ALCAM: variants seen among roughly 807,000 people sequenced by gnomAD.
The protein encoded by ALCAM is activated leukocyte cell adhesion molecule, also known as CD166 antigen.
A neutral mutation model predicts 70.9 loss-of-function variants in ALCAM; 30 were observed. The ratio of observed to expected loss-of-function variants is 0.42; its 90% CI spans 0.32 to 0.57. The LOEUF (loss-of-function observed/expected upper bound fraction) is 0.57. ALCAM is among the 20% of genes least tolerant of loss of function. The pLI, the probability that ALCAM is intolerant of heterozygous loss-of-function variation, is 0.11. For missense variants in ALCAM, 591 were observed against 695.1 expected (o/e 0.85, Z 1.68); for synonymous variants, 249 against 242.5 (o/e 1.03, Z -0.25).
chr3:105,489,831 G>A (rs911848155), intron 1 of ALCAM, among the ~76,000 whole-genome samples: 2 of 151,792 alleles, frequency 1.3e-5, no homozygotes, highest in African/African-American at 4.8e-5. Flanking sequence ...CTGACATAGA[G>A]AAAAAAATAT....
chr3:105,547,167 T>C lies in ALCAM; in HGVS notation c.1123T>C (p.Ser375Pro). 2 of 1,597,682 alleles carry C rather than the reference T, an allele frequency of 1.3e-6. No homozygotes were observed. Among genetic ancestry groups the C allele is most frequent in the Non-Finnish European group, 1.7e-6 (2 of 1,173,732 alleles). ...VWMKDNIRLR[S>P]SPSFSSLHYQ... is the part of the protein sequence containing the mutation. ...TAATCAGGATAACATCAGGCTTCGA[T>C]CTAGCCCGTCATTTTCTAGTCTTCA... The change falls in exon 10 of 16, where the codon TCT becomes CCT. Residue 375 changes from serine to proline, a missense_variant. Ser to Pro is a moderately conservative substitution (Grantham distance 74). Around this residue, in one of 2 missense-constraint regions of ALCAM, gnomAD observed 427 missense variants for 450.4 expected, o/e 0.95. Transcript: ENST00000306107.
At chr3:105,492,765 AACATGT>A (rs1420224019) in intron 1 of ALCAM, among the ~76,000 whole-genome samples, 1 of 152,214 alleles carries the variant, frequency 6.6e-6, no homozygotes, top group Non-Finnish European at 1.5e-5. Flanking sequence ...TTTCCTACTG[AACATGT>A]ACATTCATTC....
chr3:105,419,281 C>T (rs949540852), intron 1 of ALCAM, among the ~76,000 whole-genome samples: 10 of 151,714 alleles, frequency 6.6e-5, no homozygotes, highest in Non-Finnish European at 1.2e-4. Flanking sequence ...GTTAAATAGA[C>T]GACTTGATTT....
At chr3:105,561,445 C>T (rs1576242774) in intron 14 of ALCAM, among the ~76,000 whole-genome samples, 1 of 152,038 alleles carries the variant, frequency 6.6e-6, no homozygotes, top group Admixed American at 6.6e-5. Flanking sequence ...GACACCTTTG[C>T]GTGTTTCCAG....
In ALCAM at chr3:105,419,017, C is replaced by G. The variant is rs1936576859; in HGVS notation, c.73+51536C>G. ...GATACATCCTACTTTCTTTAGATAT[C>G]ATTTTCCTTTGCCTCCAGATACAAC... On this transcript the variant is annotated intron_variant, in intron 1 of 15. Transcript: ENST00000306107. 1.3e-5 allele frequency among the ~76,000 whole-genome samples: 2 copies of G among 151,800 alleles called. 1 individual carries two copies. The highest frequency in any genetic ancestry group is 4.8e-5 in the African/African-American group (2 of 41,484).
chr3:105,369,359 G>C (rs1231277508), intron 1 of ALCAM, among the ~76,000 whole-genome samples: 1 of 152,134 alleles, frequency 6.6e-6, no homozygotes, highest in African/African-American at 2.4e-5. Flanking sequence ...GTGTGTCCAG[G>C]GGGCACCGAG....
intron 1 of ALCAM, among the ~76,000 whole-genome samples, chr3:105,406,073 T>C (rs926410609): frequency 3.9e-5 from 6 of 152,216 alleles, no homozygotes; most frequent in African/African-American, 1.4e-4. Context: ...TGTGTAAGTG[T>C]GCATTCGCCT....
chr3:105,484,742 AT>A (rs1938375859), intron 1 of ALCAM, among the ~76,000 whole-genome samples: 1 of 152,118 alleles, frequency 6.6e-6, no homozygotes, highest in Non-Finnish European at 1.5e-5. Context: ...TGTGATAATT[AT>A]CCCCATTTGC....
chr3:105,368,473 T>G (rs1009742291), intron 1 of ALCAM, among the ~76,000 whole-genome samples: 1 of 152,028 alleles, frequency 6.6e-6, no homozygotes, highest in East Asian at 1.9e-4. Flanking sequence ...TTTTTTTCTT[T>G]GAAGTTTTTT....
intron 1 of ALCAM, among the ~76,000 whole-genome samples, chr3:105,453,849 C>G (rs1382981694): frequency 6.6e-6 from 1 of 152,154 alleles, no homozygotes; most frequent in Admixed American, 6.5e-5. Flanking sequence ...AATGGGAGTT[C>G]ATTCATGATT....
At chr3:105,375,099 A>G (rs1935343107) in intron 1 of ALCAM, among the ~76,000 whole-genome samples, 2 of 152,236 alleles carry the variant, frequency 1.3e-5, no homozygotes, top group South Asian at 4.1e-4. Flanking sequence ...CTATGGTGTC[A>G]TTTGTTGTCA....
intron 1 of ALCAM, among the ~76,000 whole-genome samples, chr3:105,388,696 A>G (rs1935720255): frequency 6.6e-6 from 1 of 151,614 alleles, no homozygotes; most frequent in African/African-American, 2.4e-5. Flanking sequence ...TTATAGAAAT[A>G]CTTTTCTAGG....
At chr3:105,491,469 A>C (rs1442875587) in intron 1 of ALCAM, among the ~76,000 whole-genome samples, 2 of 152,184 alleles carry the variant, frequency 1.3e-5, no homozygotes, top group Non-Finnish European at 2.9e-5. Context: ...TCAGGCTGCA[A>C]ATTTTTCAAA....
rs892441938 is a variant in ALCAM at position 105,446,424 on chromosome 3, A to T, written c.74-73643A>T. 2.6e-5 allele frequency among the ~76,000 whole-genome samples: 4 copies of T among 152,296 alleles called. No homozygotes were observed. The East Asian group carries it at 7.7e-4, about 29-fold the overall frequency. The stretch of plus-strand genomic sequence containing the variant: ...AAACAGTATGTAGGTTCCTCAAAAA[A>T]TTAAAAATGGAACAACCATAAAATC... On this transcript the variant is annotated intron_variant, in intron 1 of 15. Transcript: ENST00000306107.
At chr3:105,482,019 C>G (rs1938284842) in intron 1 of ALCAM, among the ~76,000 whole-genome samples, 1 of 151,532 alleles carries the variant, frequency 6.6e-6, no homozygotes, top group Admixed American at 6.6e-5. Flanking sequence ...CTAATTAACC[C>G]TAAAAAGAAA....
intron 6 of ALCAM, among the ~76,000 whole-genome samples, chr3:105,535,448 A>T (rs1939947425): frequency 6.6e-6 from 1 of 152,140 alleles, no homozygotes; most frequent in Admixed American, 6.6e-5. Context: ...ACAGGTGCCA[A>T]GATAATCTAA....
chr3:105,493,359 C>G (rs1202440325), intron 1 of ALCAM, among the ~76,000 whole-genome samples: 2 of 152,124 alleles, frequency 1.3e-5, no homozygotes, highest in African/African-American at 2.4e-5. Flanking sequence ...GTGCCAGGCT[C>G]TGGTAAGCAG....
At chr3:105,403,836 A>G (rs1410019611) in intron 1 of ALCAM, among the ~76,000 whole-genome samples, 1 of 151,836 alleles carries the variant, frequency 6.6e-6, no homozygotes, top group Non-Finnish European at 1.5e-5. Context: ...AATAAAAAAC[A>G]TGATACAGGA....
intron 15 of ALCAM, among the ~76,000 whole-genome samples, chr3:105,574,003 G>A (rs545039099): frequency 5.6e-4 from 86 of 152,226 alleles, no homozygotes; most frequent in Non-Finnish European, 9.4e-4. Flanking sequence ...CCTTTCATTG[G>A]AGGTCAAGTA....
Sources: allele counts gnomAD v4.1 joint callset (sites outside exome capture counted in the v4.1 genomes callset), GRCh38; gene constraint gnomAD v4.1.1; regional missense constraint gnomAD v4.1.1; transcripts MANE v1.5; gene names NCBI Gene and HGNC (gene_info 2026-07-23, HGNC 2026-07-21).